Variants in MBNL1 observed in about 807,000 individuals in gnomAD.
MBNL1 encodes muscleblind like splicing regulator 1, also known as muscleblind-like protein 1.
MBNL1 carries 8 observed loss-of-function variants against 42.2 expected under a neutral mutation model. The observed-to-expected ratio is 0.19, with a 90% CI of 0.11 to 0.34. The LOEUF is 0.34. Among genes scored for constraint, MBNL1 ranks in the 10% least tolerant of loss-of-function variants. MBNL1 has a pLI of 1.00. For synonymous variants in MBNL1, 169 were observed against 173.9 expected (o/e 0.97, Z 0.22); for missense variants, 309 against 495.3 (o/e 0.62, Z 3.57).
chr3:152,384,741 T>C (rs1264297342), intron 2 of MBNL1, among the ~76,000 whole-genome samples: 2 of 152,152 alleles, frequency 1.3e-5, no homozygotes, highest in Non-Finnish European at 2.9e-5. Flanking sequence ...GAAATCTTAA[T>C]TTGCAGAGAA....
chr3:152,274,467 G>A (rs1431597735), intron 1 of MBNL1, among the ~76,000 whole-genome samples: 1 of 152,024 alleles, frequency 6.6e-6, no homozygotes, highest in Non-Finnish European at 1.5e-5. Context: ...ACAATGGCTG[G>A]GTAACATGGT....
Position 152,465,458 on chromosome 3 carries a change from C to T in MBNL1, c.*3092C>T, listed in dbSNP as rs965377663. ...GTTCAAATTTCATGGTTTTAATTTT[C>T]AACTCAGAAGCACTCAAAAATGCAA... is the stretch of plus-strand genomic sequence containing the variant. On this transcript the variant is annotated 3_prime_UTR_variant, in exon 10 of 10. Coordinates refer to ENST00000324210, the MANE Select transcript of MBNL1 (RefSeq NM_021038.5). 1 of 152,558 alleles carries T rather than the reference C, an allele frequency of 6.6e-6. No individual in the cohort carries two copies. Among genetic ancestry groups the T allele is most frequent in the Non-Finnish European group, 1.5e-5 (1 of 68,012 alleles). 9.5% of individuals were successfully genotyped at this position (152,558 alleles called of 1,614,324 possible).
intron 1 of MBNL1, among the ~76,000 whole-genome samples, chr3:152,292,879 C>T (rs906267576): frequency 4.0e-5 from 6 of 151,820 alleles, no homozygotes; most frequent in African/African-American, 1.2e-4. Context: ...AGCAATCCTC[C>T]TGCCTCAGCC....
chr3:152,428,776 A>G (rs1474608169), intron 3 of MBNL1, among the ~76,000 whole-genome samples: 1 of 152,206 alleles, frequency 6.6e-6, no homozygotes, highest in Non-Finnish European at 1.5e-5. Flanking sequence ...GATGATTTTA[A>G]TGGACACCTG....
chr3:152,309,301 T>A (rs749176792), intron 2 of MBNL1, among the ~76,000 whole-genome samples: 1 of 152,170 alleles, frequency 6.6e-6, no homozygotes, highest in Non-Finnish European at 1.5e-5. Context: ...CGACCTGTAT[T>A]TTAACCCTAG....
intron 1 of MBNL1, among the ~76,000 whole-genome samples, chr3:152,288,150 T>C (rs1411616491): frequency 6.6e-6 from 1 of 152,236 alleles, no homozygotes; most frequent in Non-Finnish European, 1.5e-5. Flanking sequence ...TGAAGTCTTT[T>C]AAAAATTCAC....
intron 2 of MBNL1, among the ~76,000 whole-genome samples, chr3:152,381,003 A>G (rs145204549): frequency 1.7e-3 from 255 of 152,196 alleles, no homozygotes; most frequent in Non-Finnish European, 2.9e-3. Flanking sequence ...AGGGGCAGCA[A>G]TAAGATAAAC....
chr3:152,404,636 C>T (rs1560464179), intron 2 of MBNL1, among the ~76,000 whole-genome samples: 2 of 151,528 alleles, frequency 1.3e-5, no homozygotes, highest in African/African-American at 4.8e-5. Flanking sequence ...ACATACCATC[C>T]TATATTACTG....
rs1749456295 is a variant in MBNL1 at position 152,464,637 on chromosome 3, T to A, written c.*2271T>A. The stretch of plus-strand genomic sequence containing the variant: ...TTAATATTTTTGAAATCCCTGAGTA[T>A]CAGGCCTTGTTATAAATAAGCTGCA... On this transcript the variant is annotated 3_prime_UTR_variant, in exon 10 of 10. Transcript: ENST00000324210. 6.6e-6 allele frequency: 1 copy of A among 152,622 alleles called. No homozygotes were observed. Among genetic ancestry groups the A allele is most frequent in the Non-Finnish European group, 1.5e-5 (1 of 68,020 alleles). 9.5% of individuals were successfully genotyped at this position (152,622 alleles called of 1,614,324 possible).
At chr3:152,380,334 T>C (rs1239978465) in intron 2 of MBNL1, among the ~76,000 whole-genome samples, 1 of 152,100 alleles carries the variant, frequency 6.6e-6, no homozygotes, top group Non-Finnish European at 1.5e-5. Flanking sequence ...ACGCTCCTTA[T>C]CTTCCAAATT....
chr3:152,249,009 G>T lies in MBNL1; in HGVS notation n.333+4569G>T, dbSNP rs202200925. ...ATATGTGCCACATTTTCTTAATCTA[G>T]TCTATCATTGTTGGACATTTGGGTT... On this transcript the variant is annotated intron_variant and non_coding_transcript_variant, in intron 2 of 2. Coordinates refer to the MBNL1 transcript ENST00000477171. Among the ~76,000 whole-genome samples the T allele has an allele frequency of 3.0e-4, 45 of 151,202 alleles. No homozygotes were observed. The East Asian group carries it at 7.6e-3, about 25-fold the overall frequency.
chr3:152,300,868 A>C, intron 2 of MBNL1: 1 of 857,410 alleles, frequency 1.2e-6, no homozygotes, highest in Non-Finnish European at 1.4e-6. Context: ...TTTTGTGGGC[A>C]TTTTATTTTC....
intron 3 of MBNL1, among the ~76,000 whole-genome samples, chr3:152,424,911 G>A (rs1326193950): frequency 2.0e-5 from 3 of 152,034 alleles, no homozygotes; most frequent in Admixed American, 6.6e-5. Flanking sequence ...CACCTTATAC[G>A]AAAATTAAGA....
chr3:152,407,179 A>G (rs1019444824), intron 2 of MBNL1, among the ~76,000 whole-genome samples: 5 of 149,160 alleles, frequency 3.4e-5, no homozygotes, highest in African/African-American at 1.2e-4. Context: ...TAATTGAAAG[A>G]AACTGGGATT....
At position 152,460,623 on chromosome 3, in the gene MBNL1, CA is replaced by C. The variant is rs1056514938; in HGVS notation, c.*18+1289del. 1.9e-3 allele frequency among the ~76,000 whole-genome samples: 263 copies of C among 136,004 alleles called. 1 individual carries two copies. Among genetic ancestry groups the C allele is most frequent in the South Asian group, 0.012 (49 of 4,196 alleles). The allele number at this position is 136,004 out of a possible 152,430, so 89.2% of individuals were successfully genotyped here. A position where few individuals can be genotyped will look rare whatever the true frequency, so the allele number is the denominator to read the frequency against. ...AAAACTTAAAGTATAAAAAAAAAAA[CA>C]AAAAAAAAAACCACTGTCTTAAATA... On this transcript the variant is annotated intron_variant, in intron 9 of 9. Transcript: ENST00000324210.
intron 2 of MBNL1, among the ~76,000 whole-genome samples, chr3:152,319,624 T>TG (rs1396996568): frequency 6.9e-6 from 1 of 143,944 alleles, no homozygotes; most frequent in Non-Finnish European, 1.5e-5. Context: ...GTTTTTTTTT[T>TG]TTTTTTTTTT....
intron 2 of MBNL1, among the ~76,000 whole-genome samples, chr3:152,373,778 ATTTTAC>A: frequency 6.6e-6 from 1 of 152,224 alleles, no homozygotes; most frequent in Middle Eastern, 3.4e-3. Context: ...AGCCACTCAT[ATTTTAC>A]TTTTAAGTGA....
intron 2 of MBNL1, among the ~76,000 whole-genome samples, chr3:152,321,064 ATTATT>A (rs1239023420): frequency 2.0e-5 from 3 of 152,050 alleles, no homozygotes; most frequent in Non-Finnish European, 4.4e-5. Context: ...CTCTCCAACA[ATTATT>A]TTAAGATCTG....
At chr3:152,460,846 A>G (rs536302557) in intron 9 of MBNL1, among the ~76,000 whole-genome samples, 1 of 152,252 alleles carries the variant, frequency 6.6e-6, no homozygotes, top group East Asian at 1.9e-4. Context: ...ATATTTACAA[A>G]TGAGTTTTTG....
Sources: allele counts gnomAD v4.1 joint callset (sites outside exome capture counted in the v4.1 genomes callset), GRCh38; gene constraint gnomAD v4.1.1; transcripts MANE v1.5; gene names NCBI Gene and HGNC (gene_info 2026-07-23, HGNC 2026-07-21).